Variants in EPHA7 observed in about 807,000 individuals in gnomAD.
EPHA7 encodes EPH receptor A7, also known as ephrin type-A receptor 7.
In EPHA7, 25 loss-of-function variants were observed where a neutral mutation model predicts 112.6. That is an observed-to-expected ratio of 0.22 (90% CI 0.16 to 0.31). The LOEUF (loss-of-function observed/expected upper bound fraction) is 0.31, where lower values mean the gene tolerates loss of function less well. Ranked by LOEUF, EPHA7 falls within the 10% of genes least tolerant of loss-of-function variation. The pLI, the probability that EPHA7 is intolerant of heterozygous loss-of-function variation, is 1.00. For missense variants in EPHA7, 962 were observed against 1,212.6 expected, an observed-to-expected ratio of 0.79 and a Z score of 3.07; for synonymous variants, 437 against 406.5, an observed-to-expected ratio of 1.07 and a Z score of -0.90.
chr6:93,259,232 A>C (rs1402906535), intron 10 of EPHA7, 122 bp downstream of exon 10: 1 of 1,227,720 alleles, frequency 8.1e-7, no homozygotes, highest in East Asian at 2.4e-5. Flanking sequence ...ACTGCTTCCA[A>C]CAGTTCAGGT....
intron 5 of EPHA7, among the ~76,000 whole-genome samples, chr6:93,325,144 A>G (rs1378483233): frequency 6.6e-6 from 1 of 151,320 alleles, no homozygotes; most frequent in African/African-American, 2.4e-5. Flanking sequence ...GCCAGGAATA[A>G]TATATGCATA....
intron 3 of EPHA7, among the ~76,000 whole-genome samples, chr6:93,403,477 GT>G (rs1778531236): frequency 6.6e-6 from 1 of 151,750 alleles, no homozygotes; most frequent in African/African-American, 2.4e-5. Context: ...CAAAGTTTAA[GT>G]ACTCAAAAAG....
intron 5 of EPHA7, among the ~76,000 whole-genome samples, chr6:93,320,049 A>G (rs1773991504): frequency 6.6e-6 from 1 of 152,006 alleles, no homozygotes; most frequent in Admixed American, 6.6e-5. Context: ...AGAAAGTATG[A>G]TAGATAATTA....
chr6:93,262,400 T>G (rs2127865201), intron 9 of EPHA7, among the ~76,000 whole-genome samples: 1 of 150,462 alleles, frequency 6.6e-6, no homozygotes, highest in South Asian at 2.1e-4. Context: ...GAAACACACA[T>G]ATTCAGTCAT....
chr6:93,243,576 T>G, intron 16 of EPHA7, 36 bp from the exon 17 acceptor site: 29 of 1,349,978 alleles, frequency 2.1e-5, no homozygotes, highest in Non-Finnish European at 2.9e-5. Flanking sequence ...TTAGGTACCT[T>G]ACAAAGAATA....
At chr6:93,257,567 G>A in intron 11 of EPHA7, 44 bp from the exon 12 acceptor site, 1 of 1,318,414 alleles carries the variant, frequency 7.6e-7, no homozygotes, top group Non-Finnish European at 1.1e-6. Flanking sequence ...AACCTGAGCT[G>A]GAGGGTCATT....
intron 3 of EPHA7, among the ~76,000 whole-genome samples, chr6:93,402,979 A>G (rs1281701687): frequency 6.6e-6 from 1 of 152,100 alleles, no homozygotes; most frequent in Non-Finnish European, 1.5e-5. Flanking sequence ...AAAGACAGTA[A>G]GAAAGCATGA....
chr6:93,355,168 C>T (rs1224672607), intron 5 of EPHA7, among the ~76,000 whole-genome samples: 1 of 151,932 alleles, frequency 6.6e-6, no homozygotes, highest in Non-Finnish European at 1.5e-5. Context: ...TAGGTAAGTC[C>T]AGGTAATTAG....
intron 2 of EPHA7, 82 bp from the exon 3 acceptor site, chr6:93,411,252 C>G: frequency 8.6e-7 from 1 of 1,164,214 alleles, no homozygotes. Context: ...TTCACAAATA[C>G]AGATCTTCGA....
intron 7 of EPHA7, among the ~76,000 whole-genome samples, chr6:93,267,650 T>C (rs1182742544): frequency 6.6e-6 from 1 of 151,768 alleles, no homozygotes; most frequent in Non-Finnish European, 1.5e-5. Flanking sequence ...TAAATTCTAA[T>C]GCAAAAATCC....
rs769382910 is a variant in EPHA7, at chr6:93,246,794, A to G, written c.2724T>C (p.Ser908=). 6.3e-6 allele frequency: 10 copies of G among 1,599,838 alleles called. No homozygotes were observed. The South Asian group carries it at 8.8e-5, about 14-fold the overall frequency. ...NSLKTPLGTC[S]RPISPLLDQN... ...CCATTCCCTTAGGCATTTCTTACCT[A>G]CTACAAGTTCCCAGGGGAGTTTTCA... Residue 908 remains serine, a splice_region_variant and synonymous_variant, in exon 15 of 17, where the codon AGT becomes AGC. Coordinates refer to ENST00000369303, the MANE Select transcript of EPHA7 (RefSeq NM_004440.4).
chr6:93,350,329 A>G (rs1392266262), intron 5 of EPHA7, among the ~76,000 whole-genome samples: 3 of 152,024 alleles, frequency 2.0e-5, no homozygotes, highest in African/African-American at 7.2e-5. Context: ...TTATGGAGCT[A>G]CATTTTTAAA....
chr6:93,319,567 T>G (rs990423167), intron 5 of EPHA7, among the ~76,000 whole-genome samples: 1 of 152,102 alleles, frequency 6.6e-6, no homozygotes, highest in Non-Finnish European at 1.5e-5. Flanking sequence ...GAGTGAGATG[T>G]GGACTCACAG....
chr6:93,392,090 A>G (rs772469013), intron 3 of EPHA7, among the ~76,000 whole-genome samples: 12 of 152,020 alleles, frequency 7.9e-5, no homozygotes, highest in Non-Finnish European at 1.6e-4. Context: ...CGCAATTTTT[A>G]CACCCAATTC....
chr6:93,341,522 T>C (rs1196766208), intron 5 of EPHA7, among the ~76,000 whole-genome samples: 1 of 151,828 alleles, frequency 6.6e-6, no homozygotes, highest in Non-Finnish European at 1.5e-5. Context: ...TATCTATTAA[T>C]TCAGAATAAA....
intron 3 of EPHA7, among the ~76,000 whole-genome samples, chr6:93,408,107 G>A (rs922538085): frequency 4.2e-4 from 63 of 151,764 alleles, no homozygotes; most frequent in African/African-American, 1.4e-3. Flanking sequence ...AAAACACAGG[G>A]CCTTTAATGT....
intron 8 of EPHA7, among the ~76,000 whole-genome samples, chr6:93,264,263 T>A (rs1045981331): frequency 2.0e-5 from 3 of 151,532 alleles, no homozygotes; most frequent in Non-Finnish European, 4.4e-5. Context: ...AAAAACTTTT[T>A]AAATGGTGTC....
intron 5 of EPHA7, among the ~76,000 whole-genome samples, chr6:93,330,716 T>A (rs1774551092): frequency 6.6e-6 from 1 of 151,368 alleles, no homozygotes; most frequent in Non-Finnish European, 1.5e-5. Flanking sequence ...ATTTCATATC[T>A]TCGCTATTGT....
In EPHA7 at chr6:93,419,274, T is replaced by G; in HGVS notation, c.68A>C (p.His23Pro). 6.2e-7 allele frequency: 1 copy of G among 1,613,988 alleles called. No homozygotes were observed. Among genetic ancestry groups the G allele is most frequent in the Non-Finnish European group, 8.5e-7 (1 of 1,179,930 alleles). ...CTTCGCAGCCTGCGCCTCCCCTGTG[T>G]GTGCAAAGCGGAGCAGCCAGATGTA... ...LCYIWLLRFA[H>P]TGEAQAAKEV... The change falls in exon 1 of 17, where the codon CAC becomes CCC. Residue 23 changes from histidine to proline, a missense_variant. His to Pro is a moderately conservative substitution (Grantham distance 77). This residue lies in a region of EPHA7 where 56 missense variants were observed against 59.9 expected (regional missense o/e 0.94). Transcript: ENST00000369303.
Sources: allele counts gnomAD v4.1 joint callset (sites outside exome capture counted in the v4.1 genomes callset), GRCh38; gene constraint gnomAD v4.1.1; regional missense constraint gnomAD v4.1.1; transcripts MANE v1.5; gene names NCBI Gene and HGNC (gene_info 2026-07-23, HGNC 2026-07-21).